Variants in DCHS2 observed in about 807,000 individuals in gnomAD.
DCHS2 encodes dachsous cadherin-related 2.
Under a neutral mutation model 182.4 loss-of-function variants are expected in DCHS2, and 142 were observed. The ratio of observed to expected loss-of-function variants is 0.78; its 90% confidence interval spans 0.68 to 0.89. The LOEUF is 0.89. DCHS2 is among the 40% of genes least tolerant of loss of function. The probability of loss-of-function intolerance (pLI) is 0.00; values close to 1 mark genes in which losing one functional copy is unlikely to be tolerated. For missense variants in DCHS2, 4,319 were observed against 4,198.6 expected (o/e 1.03, Z -0.79); for synonymous variants, 1,740 against 1,663.3 (o/e 1.05, Z -1.12).
intron 7 of DCHS2, chr4:154,323,258 TTTG>T: frequency 6.5e-7 from 1 of 1,549,424 alleles, no homozygotes. Context: ...ATTTTGTTTG[TTTG>T]TTTGTTTGTT....
chr4:154,456,752 G>T (rs575507038), intron 1 of DCHS2, among the ~76,000 whole-genome samples: 3 of 152,270 alleles, frequency 2.0e-5, no homozygotes, highest in African/African-American at 4.8e-5. Flanking sequence ...CAGAGCTATA[G>T]GTAAAGGGCA....
At chr4:154,370,843 T>A (rs934079029) in intron 2 of DCHS2, among the ~76,000 whole-genome samples, 1 of 152,114 alleles carries the variant, frequency 6.6e-6, no homozygotes, top group African/African-American at 2.4e-5. Flanking sequence ...CCAGGAGAGT[T>A]CTATTGAATG....
At chr4:154,390,869 C>A (rs1391436214) in intron 1 of DCHS2, among the ~76,000 whole-genome samples, 3 of 152,170 alleles carry the variant, frequency 2.0e-5, no homozygotes, top group Non-Finnish European at 4.4e-5. Context: ...TCATAGTATT[C>A]TTACAGGTAT....
chr4:154,279,774 A>G (rs904559443), intron 13 of DCHS2, among the ~76,000 whole-genome samples: 9 of 152,044 alleles, frequency 5.9e-5, no homozygotes, highest in Non-Finnish European at 1.2e-4. Context: ...ACATTAAAAA[A>G]GAAGAAAGAT....
chr4:154,274,774 G>A (rs1733758640), intron 13 of DCHS2, among the ~76,000 whole-genome samples: 1 of 152,006 alleles, frequency 6.6e-6, no homozygotes, highest in Non-Finnish European at 1.5e-5. Flanking sequence ...AAAAATCCTG[G>A]TCTCTGCCTA....
Position 154,272,929 on chromosome 4 carries a change from C to A in DCHS2, c.6464-2916G>T, listed in dbSNP as rs545714058. Among the ~76,000 whole-genome samples the A allele has an allele frequency of 3.9e-5, 6 of 152,188 alleles. No individual in the cohort carries two copies. In the South Asian group the frequency reaches 1.0e-3, roughly 26 times the overall value. Reference sequence around the variant, plus strand: ...TTTTTAATCCATCTTTGGTCCTTGGCCTCCTGTTTACTACTCACATACTAT... The same window carrying A: ...TTTTTAATCCATCTTTGGTCCTTGGACTCCTGTTTACTACTCACATACTAT... On this transcript the variant is annotated intron_variant, in intron 13 of 19. Transcript: ENST00000357232.
chr4:154,343,761 CT>C (rs1358779888), intron 3 of DCHS2: 14 of 1,022,488 alleles, frequency 1.4e-5, no homozygotes, highest in African/African-American at 1.7e-5. Context: ...CAATGAGTCT[CT>C]TTTGCTTTCT....
intron 1 of DCHS2, among the ~76,000 whole-genome samples, chr4:154,410,596 A>T (rs1007543705): frequency 2.0e-5 from 3 of 149,676 alleles, no homozygotes; most frequent in Non-Finnish European, 4.5e-5. Flanking sequence ...AAAAAAAAAA[A>T]AAAAATGAAG....
chr4:154,400,859 C>T (rs566155632), intron 1 of DCHS2, among the ~76,000 whole-genome samples: 1 of 152,318 alleles, frequency 6.6e-6, no homozygotes, highest in South Asian at 2.1e-4. Flanking sequence ...GAACTGCCAA[C>T]TGCATGCAGT....
chr4:154,236,013 A>G lies in DCHS2; in HGVS notation c.8639T>C (p.Phe2880Ser), dbSNP rs138746850. The change falls in exon 20 of 20, where the codon TTC becomes TCC. Residue 2880 changes from phenylalanine (F) to serine (S), a missense_variant. Phe to Ser is a radical substitution (Grantham distance 155, BLOSUM62 -2). Transcript: ENST00000357232. ...IEGIDEFEPI[F>S]TQDQYFFTLP... ...GGTGAAAAAATACTGATCTTGAGTG[A>G]AAATGGGCTCAAATTCATCTATCCC... 2 of 1,614,000 alleles carry G rather than the reference A, an allele frequency of 1.2e-6. No individual in the cohort carries two copies. The highest frequency in any genetic ancestry group is 2.7e-5 in the African/African-American group (2 of 75,040).
At chr4:154,374,154 G>A (rs1034877501) in intron 2 of DCHS2, 1 of 535,256 alleles carries the variant, frequency 1.9e-6, no homozygotes, top group Non-Finnish European at 3.3e-6. Context: ...TGACAGACAG[G>A]TTATGAGCAT....
intron 1 of DCHS2, among the ~76,000 whole-genome samples, chr4:154,456,718 C>G (rs555584206): frequency 6.6e-6 from 1 of 152,074 alleles, no homozygotes; most frequent in Admixed American, 6.6e-5. Flanking sequence ...TCAAGGAAGA[C>G]GTTCTATAAA....
chr4:154,375,203 A>G (rs999461457), intron 2 of DCHS2, among the ~76,000 whole-genome samples: 1 of 152,178 alleles, frequency 6.6e-6, no homozygotes, highest in African/African-American at 2.4e-5. Flanking sequence ...GAAAGGTAAA[A>G]CAAAACAAAA....
At chr4:154,344,777 A>C (rs551450075) in intron 3 of DCHS2, among the ~76,000 whole-genome samples, 14 of 152,312 alleles carry the variant, frequency 9.2e-5, no homozygotes, top group African/African-American at 3.4e-4. Flanking sequence ...ATCCCTGTGC[A>C]GCTGAGACTC....
intron 3 of DCHS2, among the ~76,000 whole-genome samples, chr4:154,339,532 C>T (rs528194357): frequency 5.9e-5 from 9 of 151,832 alleles, no homozygotes; most frequent in Non-Finnish European, 1.0e-4. Flanking sequence ...TCACTGCAAC[C>T]TCTGCCTCCT....
intron 3 of DCHS2, chr4:154,354,811 T>C (rs1729782813): frequency 6.6e-6 from 1 of 152,196 alleles, no homozygotes; most frequent in Non-Finnish European, 1.5e-5. Context: ...TCAGACATGC[T>C]GCTCTCCTGC....
chr4:154,433,393 T>C (rs1217504956), intron 1 of DCHS2, among the ~76,000 whole-genome samples: 4 of 123,222 alleles, frequency 3.2e-5, no homozygotes, highest in South Asian at 2.6e-4. Flanking sequence ...TTTTTTTTTT[T>C]CCTTTTTTTT....
At chr4:154,257,412 G>A (rs1732744347) in intron 15 of DCHS2, among the ~76,000 whole-genome samples, 1 of 152,166 alleles carries the variant, frequency 6.6e-6, no homozygotes, top group South Asian at 2.1e-4. Context: ...GTAAAGCACA[G>A]CTTCTTTGAG....
intron 1 of DCHS2, among the ~76,000 whole-genome samples, chr4:154,488,209 G>A (rs532211572): frequency 2.3e-3 from 260 of 110,718 alleles, no homozygotes; most frequent in Non-Finnish European, 2.7e-3. Flanking sequence ...ATAGGAAATC[G>A]GAAGCAAAAA....
Sources: gnomAD v4.1 joint callset for allele counts (sites outside exome capture counted in the v4.1 genomes callset) on GRCh38, gnomAD v4.1.1 for gene constraint, MANE v1.5 for transcripts, NCBI Gene and HGNC (gene_info 2026-07-23, HGNC 2026-07-21) for gene names.